Variants in ATG5 observed in about 807,000 individuals in gnomAD.
ATG5 encodes autophagy protein 5.
Under a neutral mutation model 36.5 loss-of-function variants are expected in ATG5, and 14 were observed. The ratio of observed to expected loss-of-function variants is 0.38; its 90% CI spans 0.25 to 0.60. The LOEUF (loss-of-function observed/expected upper bound fraction) is 0.60, where lower values mean the gene tolerates loss of function less well. Among genes scored for constraint, ATG5 ranks in the 20% least tolerant of loss-of-function variants. ATG5 has a pLI of 0.60. For missense variants in ATG5, 195 were observed against 326.7 expected, an observed-to-expected ratio of 0.60 and a Z score of 3.11; for synonymous variants, 95 against 101.5, an observed-to-expected ratio of 0.94 and a Z score of 0.38.
chr6:106,198,610 C>G (rs1776294619), intron 7 of ATG5, among the ~76,000 whole-genome samples: 2 of 152,042 alleles, frequency 1.3e-5, no homozygotes, highest in South Asian at 4.1e-4. Flanking sequence ...AACCCTGTCT[C>G]TACTAAAAAC....
At chr6:106,256,569 C>T (rs970963731) in intron 5 of ATG5, among the ~76,000 whole-genome samples, 2 of 151,994 alleles carry the variant, frequency 1.3e-5, no homozygotes, top group African/African-American at 2.4e-5. Flanking sequence ...TTTCATCATG[C>T]GAACATCATA....
At chr6:106,256,279 C>T (rs192653370) in intron 5 of ATG5, among the ~76,000 whole-genome samples, 13 of 152,250 alleles carry the variant, frequency 8.5e-5, no homozygotes, top group Non-Finnish European at 1.3e-4. Context: ...GCTTTCAAAA[C>T]AAAGGGGCCA....
chr6:106,289,124 A>C (rs2114621918), intron 4 of ATG5, among the ~76,000 whole-genome samples: 1 of 152,346 alleles, frequency 6.6e-6, no homozygotes, highest in African/African-American at 2.4e-5. Context: ...AGAGACACCA[A>C]GTGACACAAA....
intron 6 of ATG5, among the ~76,000 whole-genome samples, chr6:106,222,331 A>C (rs1363096495): frequency 6.6e-6 from 1 of 152,198 alleles, no homozygotes; most frequent in East Asian, 1.9e-4. Context: ...TACATGCATG[A>C]GCATGGGAAT....
Position 106,186,283 on chromosome 6 carries a change from A to G in ATG5, c.*257T>C. The G allele has an allele frequency of 2.5e-6, 1 of 407,996 alleles. No individual in the cohort carries two copies. The highest frequency in any genetic ancestry group is 4.4e-6 in the Non-Finnish European group (1 of 229,344). 25.3% of individuals were successfully genotyped at this position (407,996 alleles called of 1,614,324 possible). ...AGGTTTCAGCTTCATTATATTTTAC[A>G]GAAGACCTTCAGTGGTCCGGTAAGT... On this transcript the variant is annotated 3_prime_UTR_variant, in exon 8 of 8. Transcript: ENST00000369076.
At chr6:106,220,647 C>G (rs1777211336) in intron 6 of ATG5, among the ~76,000 whole-genome samples, 1 of 152,038 alleles carries the variant, frequency 6.6e-6, no homozygotes, top group African/African-American at 2.4e-5. Context: ...AAAAGCAACT[C>G]TCATATTTAC....
chr6:106,320,889 G>A (rs149429522), intron 1 of ATG5, among the ~76,000 whole-genome samples: 2 of 152,276 alleles, frequency 1.3e-5, no homozygotes, highest in African/African-American at 2.4e-5. Context: ...GAGTCAGAGA[G>A]GCTAGCCAGG....
At chr6:106,222,845 T>C (rs1387503767) in intron 6 of ATG5, among the ~76,000 whole-genome samples, 1 of 152,096 alleles carries the variant, frequency 6.6e-6, no homozygotes, top group Non-Finnish European at 1.5e-5. Flanking sequence ...CAGAGGACAA[T>C]AAGGATTAAA....
At chr6:106,233,187 A>G (rs1226145021) in intron 6 of ATG5, among the ~76,000 whole-genome samples, 2 of 152,220 alleles carry the variant, frequency 1.3e-5, no homozygotes, top group Admixed American at 6.5e-5. Flanking sequence ...TTAAATACTT[A>G]GGGCTAAAAT....
In ATG5 at chr6:106,212,018, TA is replaced by T. The variant is rs1276960715; in HGVS notation, c.574-9930del. Among the ~76,000 whole-genome samples, 5 of 152,214 alleles carry T rather than the reference TA, an allele frequency of 3.3e-5. No homozygotes were observed. The East Asian group carries it at 9.6e-4, about 29-fold the overall frequency. On this transcript the variant is annotated intron_variant, in intron 6 of 7. Coordinates refer to ENST00000369076, the MANE Select transcript of ATG5 (RefSeq NM_004849.4). ...TTCACTTGTTATATTTGCAGGTGCT[TA>T]AAAAATCAGCTATACTAAACTATAA...
chr6:106,202,292 C>T (rs1270901184), intron 6 of ATG5: 1 of 451,810 alleles, frequency 2.2e-6, no homozygotes, highest in Non-Finnish European at 3.9e-6. Context: ...AGGAAACAGA[C>T]AAATCCAAAG....
At chr6:106,299,637 TG>T (rs1170823789) in intron 3 of ATG5, among the ~76,000 whole-genome samples, 1 of 152,266 alleles carries the variant, frequency 6.6e-6, no homozygotes, top group African/African-American at 2.4e-5. Flanking sequence ...AATATTTCTT[TG>T]CTTTTTGTTT....
intron 6 of ATG5, among the ~76,000 whole-genome samples, chr6:106,222,015 C>G (rs1777274071): frequency 6.6e-6 from 1 of 152,062 alleles, no homozygotes; most frequent in African/African-American, 2.4e-5. Context: ...CCTCAGCCTC[C>G]TGAGTAGCTG....
chr6:106,257,880 TTTTA>T (rs1366697356), intron 5 of ATG5, among the ~76,000 whole-genome samples: 1 of 152,184 alleles, frequency 6.6e-6, no homozygotes, highest in African/African-American at 2.4e-5. Flanking sequence ...TCAAACAAGT[TTTTA>T]TTTTGTAGGA....
At chr6:106,323,617 G>T (rs1006026118) in intron 1 of ATG5, among the ~76,000 whole-genome samples, 1 of 151,988 alleles carries the variant, frequency 6.6e-6, no homozygotes, top group African/African-American at 2.4e-5. Flanking sequence ...GCTCTCAAAA[G>T]TCTAGAATCT....
intron 6 of ATG5, among the ~76,000 whole-genome samples, chr6:106,224,002 T>A (rs1365806184): frequency 1.3e-5 from 2 of 152,216 alleles, no homozygotes; most frequent in Non-Finnish European, 2.9e-5. Flanking sequence ...GAAGGAAATG[T>A]TTCAAAAACA....
Position 106,186,304 on chromosome 6 carries a change from T to C in ATG5, c.*236A>G. On this transcript the variant is annotated 3_prime_UTR_variant, in exon 8 of 8. Transcript: ENST00000369076. ...TTACAGAAGACCTTCAGTGGTCCGGTAAGTCTTTCATGTCACAGCTGAGGT... is the reference window on the plus strand; with the variant it reads ...TTACAGAAGACCTTCAGTGGTCCGGCAAGTCTTTCATGTCACAGCTGAGGT... 1 of 467,334 alleles carries C rather than the reference T, an allele frequency of 2.1e-6. No homozygotes were observed. The highest frequency in any genetic ancestry group is 3.8e-6 in the Non-Finnish European group (1 of 265,154). 28.9% of individuals were successfully genotyped at this position (467,334 alleles called of 1,614,324 possible).
chr6:106,232,928 C>T (rs1433019177), intron 6 of ATG5, among the ~76,000 whole-genome samples: 1 of 152,194 alleles, frequency 6.6e-6, no homozygotes, highest in Non-Finnish European at 1.5e-5. Context: ...CCCAATGTCT[C>T]AACTCACCTG....
intron 1 of ATG5, among the ~76,000 whole-genome samples, chr6:106,322,629 T>C (rs529912540): frequency 6.6e-5 from 10 of 152,150 alleles, no homozygotes; most frequent in Admixed American, 2.0e-4. Context: ...TCAAGAGGAA[T>C]TTTACTCAAC....
Sources: allele counts gnomAD v4.1 joint callset (sites outside exome capture counted in the v4.1 genomes callset), GRCh38; gene constraint gnomAD v4.1.1; transcripts MANE v1.5; gene names NCBI Gene and HGNC (gene_info 2026-07-23, HGNC 2026-07-21).